Variants in GANC observed in about 807,000 individuals in gnomAD.
GANC encodes neutral alpha-glucosidase C.
Under a neutral mutation model 124.2 loss-of-function variants are expected in GANC, and 117 were observed. The observed-to-expected ratio is 0.94, with a 90% CI of 0.81 to 1.10. The LOEUF (loss-of-function observed/expected upper bound fraction) is 1.10. GANC is among the 50% of genes least tolerant of loss of function. The probability of loss-of-function intolerance (pLI) is 0.00; values close to 1 mark genes in which losing one functional copy is unlikely to be tolerated. For synonymous variants in GANC, 377 were observed against 376.8 expected (o/e 1.00, Z -0.01); for missense variants, 1,140 against 1,095.0 (o/e 1.04, Z -0.58).
intron 20 of GANC, 31 bp from the exon 21 acceptor site, chr15:42,348,072 C>A: frequency 8.2e-7 from 1 of 1,224,552 alleles, no homozygotes; most frequent in Non-Finnish European, 1.2e-6. Context: ...TATATGAATA[C>A]TGCTTCCCTG....
chr15:42,321,877 G>A lies in GANC; in HGVS notation c.1150G>A (p.Gly384Arg), dbSNP rs906383658. Reference protein sequence around the residue: ...DEQDVKAVDAGFDEHDIPYDA... With the variant: ...DEQDVKAVDARFDEHDIPYDA... The stretch of plus-strand genomic sequence containing the variant: ...GCAGGATGTAAAAGCAGTGGATGCA[G>A]GGTTTGATGAGCATGACATTCCTTA... The change falls in exon 11 of 24, where the codon GGG becomes AGG. Residue 384 changes from glycine (G) to arginine (R), a missense_variant. Physicochemically the swap from Gly to Arg is moderately radical, Grantham distance 125. Coordinates refer to ENST00000318010, the MANE Select transcript of GANC (RefSeq NM_198141.3). 11 of 1,614,118 alleles carry A rather than the reference G, an allele frequency of 6.8e-6. No individual in the cohort carries two copies. Among genetic ancestry groups the A allele is most frequent in the Non-Finnish European group, 9.3e-6 (11 of 1,180,044 alleles).
chr15:42,296,287 T>C (rs1335160182), intron 5 of GANC, among the ~76,000 whole-genome samples: 2 of 152,198 alleles, frequency 1.3e-5, no homozygotes, highest in African/African-American at 4.8e-5. Context: ...TTACTCTCTT[T>C]TGATTGGTGT....
rs1358924835 is a variant in GANC at position 42,353,463 on chromosome 15, CTG to C, written c.*1327_*1328del. 1.1e-6 allele frequency: 1 copy of C among 924,660 alleles called. No individual in the cohort carries two copies. Among genetic ancestry groups the C allele is most frequent in the East Asian group, 1.2e-4 (1 of 8,492 alleles). The allele number at this position is 924,660 out of a possible 1,614,324, so 57.3% of individuals were successfully genotyped here. A position where few individuals can be genotyped will look rare whatever the true frequency, so the allele number is the denominator to read the frequency against. ...CCCCGTAATGCTGTCCCACTTATAACTGTGCTCTACTTAGCATTCTCAGGGAT... is the reference window on the plus strand; with the variant it reads ...CCCCGTAATGCTGTCCCACTTATAACTGCTCTACTTAGCATTCTCAGGGAT... On this transcript the variant is annotated 3_prime_UTR_variant, in exon 24 of 24. Coordinates refer to ENST00000318010, the MANE Select transcript of GANC (RefSeq NM_198141.3).
intron 12 of GANC, among the ~76,000 whole-genome samples, 167 bp from the exon 13 acceptor site, chr15:42,327,196 A>G (rs2052204856): frequency 1.3e-5 from 2 of 152,250 alleles, no homozygotes; most frequent in Admixed American, 6.5e-5. Flanking sequence ...ACTGGAGCCC[A>G]GCATTACCTT....
At chr15:42,330,717 T>C (rs1346003053) in intron 15 of GANC, 45 bp downstream of exon 15, 1 of 1,309,302 alleles carries the variant, frequency 7.6e-7, no homozygotes, top group African/African-American at 1.5e-5. Context: ...TTAGCAACTT[T>C]TTTTTTAACC....
intron 6 of GANC, among the ~76,000 whole-genome samples, chr15:42,299,005 C>T (rs906497649): frequency 6.6e-6 from 1 of 152,188 alleles, no homozygotes; most frequent in Non-Finnish European, 1.5e-5. Context: ...ATGTCGTCTA[C>T]AAACAGAGAC....
At chr15:42,317,026 T>A (rs1463242256) in intron 10 of GANC, among the ~76,000 whole-genome samples, 1 of 152,258 alleles carries the variant, frequency 6.6e-6, no homozygotes, top group Admixed American at 6.5e-5. Flanking sequence ...TGATCATCTC[T>A]ATATCTAATT....
intron 4 of GANC, among the ~76,000 whole-genome samples, chr15:42,289,804 T>A (rs748091722): frequency 2.0e-5 from 3 of 152,162 alleles, no homozygotes; most frequent in Non-Finnish European, 4.4e-5. Context: ...GTGACTATAT[T>A]TTGAGATAGG....
Position 42,353,537 on chromosome 15 carries a change from A to T in GANC, c.*1398A>T. 5 of 980,200 alleles carry T rather than the reference A, an allele frequency of 5.1e-6. No homozygotes were observed. Among genetic ancestry groups the T allele is most frequent in the Non-Finnish European group, 6.1e-6 (5 of 825,056 alleles). The allele number at this position is 980,200 out of a possible 1,614,324, so 60.7% of individuals were successfully genotyped here. On this transcript the variant is annotated 3_prime_UTR_variant, in exon 24 of 24. Transcript: ENST00000318010. ...TGTCTGCGTTCTCCTACTAGATTGT[A>T]TGTCCCTCAAGAGCATGTTCTGTTT...
intron 4 of GANC, among the ~76,000 whole-genome samples, chr15:42,290,902 C>G (rs2141025524): frequency 6.6e-6 from 1 of 152,106 alleles, no homozygotes. Context: ...TTCACTGGCC[C>G]TCCCATTTCA....
intron 7 of GANC, among the ~76,000 whole-genome samples, chr15:42,306,879 T>C (rs2052001986): frequency 6.6e-6 from 1 of 152,178 alleles, no homozygotes; most frequent in Non-Finnish European, 1.5e-5. Context: ...CTGCTTGCAC[T>C]GTTCATCAGA....
Position 42,273,554 on chromosome 15 carries a change from C to A in GANC, c.-928C>A, listed in dbSNP as rs1385418671. The A allele has an allele frequency of 6.1e-6, 8 of 1,308,124 alleles. No homozygotes were observed. In the East Asian group the frequency reaches 1.3e-4, roughly 21 times the overall value. The allele number at this position is 1,308,124 out of a possible 1,614,324, so 81.0% of individuals were successfully genotyped here. On this transcript the variant is annotated 5_prime_UTR_variant, in exon 1 of 24. Transcript: ENST00000318010. ...CGTAGCGGCCCCTCTCTCAGACAGT[C>A]GTCTGTGCGCCGTGAGACTTTGGAC...
In GANC at chr15:42,273,820, G is replaced by A. The variant is rs1009691796; in HGVS notation, c.-662G>A. On this transcript the variant is annotated 5_prime_UTR_variant, in exon 1 of 24. Coordinates refer to ENST00000318010, the MANE Select transcript of GANC (RefSeq NM_198141.3). ...AGCCCTAAGCCTGGCTGCCCAAGTG[G>A]CGTCTAGTAGTGAGTTCTCCGGTTT... 9.4e-6 allele frequency: 2 copies of A among 212,692 alleles called. No individual in the cohort carries two copies. Among genetic ancestry groups the A allele is most frequent in the African/African-American group, 4.6e-5 (2 of 43,940 alleles). 13.2% of individuals were successfully genotyped at this position (212,692 alleles called of 1,614,324 possible).
intron 2 of GANC, 40 bp from the exon 3 acceptor site, chr15:42,278,440 TCA>T: frequency 7.6e-7 from 1 of 1,318,150 alleles, no homozygotes; most frequent in Non-Finnish European, 1.1e-6. Flanking sequence ...ATACTGACAA[TCA>T]CAAATAATTA....
intron 1 of GANC, 191 bp from the exon 2 acceptor site, chr15:42,276,157 G>T (rs1004418831): frequency 6.9e-6 from 3 of 435,674 alleles, no homozygotes; most frequent in Admixed American, 9.1e-5. Context: ...TACCTCAGAG[G>T]GTTTACAAAA....
Position 42,352,203 on chromosome 15 carries a change from CT to C in GANC, c.*70del. ...TGCCCCTTTCAACCTTTCCCCTCAC[CT>C]TTTTTGAGATTTTTGCTGCAATCTG... On this transcript the variant is annotated 3_prime_UTR_variant, in exon 24 of 24. Coordinates refer to ENST00000318010, the MANE Select transcript of GANC (RefSeq NM_198141.3). 6.3e-7 allele frequency: 1 copy of C among 1,590,560 alleles called. No homozygotes were observed. The highest frequency in any genetic ancestry group is 8.6e-7 in the Non-Finnish European group (1 of 1,166,564).
At chr15:42,306,434 G>A (rs946400769) in intron 6 of GANC, 112 bp from the exon 7 acceptor site, 2 of 802,314 alleles carry the variant, frequency 2.5e-6, no homozygotes, top group African/African-American at 3.5e-5. Flanking sequence ...TCTAAAAGAT[G>A]AACTCACTTT....
Position 42,326,315 on chromosome 15 carries a change from TC to T in GANC, c.1315del (p.His439ThrfsTer12), listed in dbSNP as rs769724326. ...CCTGACAGCTTGTGGTCATCAGTGATCCCCACATCAAGATTGATCCTGACTA... is the reference window on the plus strand; with the variant it reads ...CCTGACAGCTTGTGGTCATCAGTGATCCCACATCAAGATTGATCCTGACTA... ...KKRKLVVISD[P>X]HIKIDPDYSV... On this transcript the variant is annotated frameshift_variant, in exon 12 of 24. Coordinates refer to ENST00000318010, the MANE Select transcript of GANC (RefSeq NM_198141.3). LOFTEE classifies it high-confidence loss of function. 3.5e-5 allele frequency: 57 copies of T among 1,613,618 alleles called. 1 individual carries two copies. In the Middle Eastern group the frequency reaches 1.2e-3, roughly 33 times the overall value.
chr15:42,317,828 C>T (rs1402873095), intron 10 of GANC, among the ~76,000 whole-genome samples: 1 of 151,964 alleles, frequency 6.6e-6, no homozygotes, highest in Non-Finnish European at 1.5e-5. Flanking sequence ...CAGCTACATT[C>T]AACATTGTTA....
Sources: gnomAD v4.1 joint callset for allele counts (sites outside exome capture counted in the v4.1 genomes callset) on GRCh38, gnomAD v4.1.1 for gene constraint, MANE v1.5 for transcripts, NCBI Gene and HGNC (gene_info 2026-07-23, HGNC 2026-07-21) for gene names.